Variants in ADGRB3 observed in about 807,000 individuals in gnomAD.
The protein encoded by ADGRB3 is adhesion G protein-coupled receptor B3.
Under a neutral mutation model 193.4 loss-of-function variants are expected in ADGRB3, and 37 were observed. The observed-to-expected ratio is 0.19, with a 90% CI of 0.15 to 0.25. The LOEUF is 0.25. ADGRB3 is among the 10% of genes least tolerant of loss of function. ADGRB3 has a pLI of 1.00. For synonymous variants in ADGRB3, 690 were observed against 644.2 expected (o/e 1.07, Z -1.08); for missense variants, 1,637 against 1,852.9 (o/e 0.88, Z 2.14).
intron 13 of ADGRB3, among the ~76,000 whole-genome samples, chr6:69,036,164 G>T (rs1399160041): frequency 6.6e-6 from 1 of 152,088 alleles, no homozygotes; most frequent in East Asian, 1.9e-4. Flanking sequence ...CTCAATTTCG[G>T]ATCTTCCACA....
intron 3 of ADGRB3, among the ~76,000 whole-genome samples, chr6:68,709,450 T>C (rs1765375232): frequency 6.6e-6 from 1 of 152,222 alleles, no homozygotes; most frequent in Non-Finnish European, 1.5e-5. Context: ...AAGAAAATAA[T>C]TTTACATAAC....
intron 3 of ADGRB3, among the ~76,000 whole-genome samples, chr6:68,905,678 TG>T (rs1305100201): frequency 2.0e-5 from 3 of 152,154 alleles, no homozygotes; most frequent in Non-Finnish European, 4.4e-5. Flanking sequence ...TAAGTAGAAA[TG>T]GGATCATCCC....
intron 3 of ADGRB3, among the ~76,000 whole-genome samples, chr6:68,795,516 TA>T (rs1236365539): frequency 6.6e-6 from 1 of 152,118 alleles, no homozygotes; most frequent in Admixed American, 6.6e-5. Context: ...GATGCAAGTG[TA>T]CAGTGATAAA....
At chr6:69,254,039 A>G (rs564500673) in intron 20 of ADGRB3, among the ~76,000 whole-genome samples, 76 of 152,264 alleles carry the variant, frequency 5.0e-4, no homozygotes, top group African/African-American at 1.7e-3. Flanking sequence ...TGGAAGCAAA[A>G]TATTTCTGAA....
At chr6:69,258,368 T>C (rs560077374) in intron 20 of ADGRB3, among the ~76,000 whole-genome samples, 15 of 152,202 alleles carry the variant, frequency 9.9e-5, no homozygotes, top group South Asian at 4.1e-4. Flanking sequence ...GTCATTTCCA[T>C]AGAATACTGA....
At chr6:68,959,993 G>T (rs2150258344) in intron 8 of ADGRB3, among the ~76,000 whole-genome samples, 1 of 151,976 alleles carries the variant, frequency 6.6e-6, no homozygotes, top group East Asian at 1.9e-4. Context: ...TTTTTAGTTT[G>T]ATTTTCACCC....
intron 7 of ADGRB3, among the ~76,000 whole-genome samples, 190 bp downstream of exon 7, chr6:68,956,378 T>A (rs997241475): frequency 1.3e-5 from 2 of 152,090 alleles, no homozygotes; most frequent in Non-Finnish European, 2.9e-5. Context: ...TATTCTAATG[T>A]ATGCCATGCT....
intron 3 of ADGRB3, among the ~76,000 whole-genome samples, chr6:68,884,151 GACTT>G (rs1263350715): frequency 3.3e-5 from 5 of 151,912 alleles, no homozygotes; most frequent in African/African-American, 9.7e-5. Flanking sequence ...TTTTTAAATC[GACTT>G]ACTTTTAGAT....
intron 3 of ADGRB3, among the ~76,000 whole-genome samples, chr6:68,654,146 A>G (rs2802691): frequency 0.6 from 90,622 of 151,838 alleles, 27,284 homozygotes; most frequent in African/African-American, 0.65. Flanking sequence ...TAATTGTGTA[A>G]CAATAATTAA....
chr6:68,998,086 A>C (rs1385125852), intron 11 of ADGRB3, among the ~76,000 whole-genome samples: 1 of 152,184 alleles, frequency 6.6e-6, no homozygotes, highest in Non-Finnish European at 1.5e-5. Context: ...CGTTAGTACA[A>C]TATTCTTCTT....
chr6:68,769,254 G>A (rs1766569799), intron 3 of ADGRB3, among the ~76,000 whole-genome samples: 2 of 152,134 alleles, frequency 1.3e-5, no homozygotes, highest in South Asian at 4.1e-4. Flanking sequence ...GTTTATTGCA[G>A]CACTATTCAC....
intron 3 of ADGRB3, among the ~76,000 whole-genome samples, chr6:68,826,871 T>C (rs1224981558): frequency 1.3e-5 from 2 of 152,128 alleles, no homozygotes; most frequent in African/African-American, 2.4e-5. Context: ...AGATTTAATA[T>C]GAACTGAGAG....
chr6:69,327,884 T>A lies in ADGRB3; in HGVS notation c.3030T>A (p.Asp1010Glu). 2 of 1,606,470 alleles carry A rather than the reference T, an allele frequency of 1.2e-6. No individual in the cohort carries two copies. The stretch of plus-strand genomic sequence containing the variant: ...CCAGAACAAAAGGATATGGCACTGA[T>A]CACTAGTAAGTCCATCCACAGAGAT... ...GFTRTKGYGT[D>E]HYCWLSLEGG... Residue 1010 changes from aspartate (D) to glutamate (E), a missense_variant, in exon 22 of 32, where the codon GAT becomes GAA. By Grantham distance (45) the Asp-to-Glu change is conservative. This residue lies in a region of ADGRB3 where 87 missense variants were observed against 161.0 expected (regional missense o/e 0.54). Coordinates refer to ENST00000370598, the MANE Select transcript of ADGRB3 (RefSeq NM_001704.3).
chr6:68,729,537 G>A (rs759148596), intron 3 of ADGRB3, among the ~76,000 whole-genome samples: 2 of 151,478 alleles, frequency 1.3e-5, no homozygotes, highest in Admixed American at 1.3e-4. Flanking sequence ...TTGCCCCATA[G>A]ATCCATAGCC....
intron 29 of ADGRB3, among the ~76,000 whole-genome samples, chr6:69,363,177 AT>A (rs1769489448): frequency 6.6e-6 from 1 of 151,954 alleles, no homozygotes; most frequent in Non-Finnish European, 1.5e-5. Flanking sequence ...CCGTATCCTT[AT>A]TATTAAGTGT....
intron 3 of ADGRB3, among the ~76,000 whole-genome samples, chr6:68,817,907 A>C (rs944609236): frequency 1.3e-5 from 2 of 152,064 alleles, no homozygotes; most frequent in African/African-American, 4.8e-5. Flanking sequence ...ACTTGTGTTC[A>C]TAGTTTACAT....
intron 17 of ADGRB3, among the ~76,000 whole-genome samples, chr6:69,159,799 C>T (rs1215165460): frequency 6.6e-6 from 1 of 152,092 alleles, no homozygotes; most frequent in Non-Finnish European, 1.5e-5. Context: ...TACCTGATTT[C>T]CACATGGACA....
intron 31 of ADGRB3, 24 bp from the exon 32 acceptor site, chr6:69,388,677 ACT>A (rs775579949): frequency 4.4e-6 from 7 of 1,595,246 alleles, no homozygotes; most frequent in Admixed American, 3.5e-5. Context: ...CACATAAATG[ACT>A]CTCTTTCCCT....
At chr6:68,802,180 ATGCG>A (rs201947309) in intron 3 of ADGRB3, among the ~76,000 whole-genome samples, 2 of 146,528 alleles carry the variant, frequency 1.4e-5, no homozygotes, top group Non-Finnish European at 3.0e-5. Flanking sequence ...AAATGCACAT[ATGCG>A]TGTGTGTGTG....
Sources: allele counts gnomAD v4.1 joint callset (sites outside exome capture counted in the v4.1 genomes callset), GRCh38; gene constraint gnomAD v4.1.1; regional missense constraint gnomAD v4.1.1; transcripts MANE v1.5; gene names NCBI Gene and HGNC (gene_info 2026-07-23, HGNC 2026-07-21).